The following GAB3 variants were observed in gnomAD, a reference collection of about 807,000 sequenced individuals.
The protein encoded by GAB3 is GRB2-associated-binding protein 3.
A neutral mutation model predicts 40.4 loss-of-function variants in GAB3; 12 were observed. That is an observed-to-expected ratio of 0.30 (90% CI 0.19 to 0.48). The LOEUF (loss-of-function observed/expected upper bound fraction) is 0.48. GAB3 is among the 20% of genes least tolerant of loss of function. The pLI, the probability that GAB3 is intolerant of heterozygous loss-of-function variation, is 0.99. For synonymous variants in GAB3, 154 were observed against 176.7 expected, an observed-to-expected ratio of 0.87 and a Z score of 1.02; for missense variants, 381 against 461.9, an observed-to-expected ratio of 0.82 and a Z score of 1.61.
intron 8 of GAB3, among the ~76,000 whole-genome samples, chrX:154,688,745 C>T (rs1483924761): frequency 1.8e-5 from 2 of 111,696 alleles, no homozygotes; most frequent in Non-Finnish European, 3.8e-5. Context: ...CATAATTTAC[C>T]ATTAGGAAAG....
chrX:154,726,916 T>G (rs1205436179), intron 1 of GAB3, among the ~76,000 whole-genome samples: 6 of 111,807 alleles, frequency 5.4e-5, no homozygotes, highest in Admixed American at 4.7e-4. Context: ...ACAACCACCC[T>G]AGTCCAAGTC....
chrX:154,706,688 G>C (rs1223828630), intron 4 of GAB3, among the ~76,000 whole-genome samples: 6 of 110,622 alleles, frequency 5.4e-5, no homozygotes, highest in African/African-American at 2.0e-4. Flanking sequence ...TGAGGTGGGA[G>C]GATCGCTTGA....
chrX:154,693,667 G>T (rs781889856), intron 8 of GAB3, among the ~76,000 whole-genome samples: 1 of 111,567 alleles, frequency 9.0e-6, no homozygotes, highest in African/African-American at 3.3e-5. Flanking sequence ...TGGTGGTTAC[G>T]CAAATCTCTA....
chrX:154,710,350 G>A (rs1557255495), intron 4 of GAB3, among the ~76,000 whole-genome samples: 1 of 111,426 alleles, frequency 9.0e-6, no homozygotes, highest in Non-Finnish European at 1.9e-5. Context: ...CCCTAGAATA[G>A]CCATTATATT....
At chrX:154,736,167 A>G (rs1482618599) in intron 1 of GAB3, among the ~76,000 whole-genome samples, 1 of 112,337 alleles carries the variant, frequency 8.9e-6, no homozygotes, top group Non-Finnish European at 1.9e-5. Flanking sequence ...GGTCACCTTT[A>G]TTGGCTACTT....
chrX:154,731,378 T>C (rs1334126317), intron 1 of GAB3, among the ~76,000 whole-genome samples: 1 of 111,800 alleles, frequency 8.9e-6, no homozygotes, highest in African/African-American at 3.3e-5. Flanking sequence ...ATAGAGGAAG[T>C]GACGGCGCAG....
chrX:154,695,157 A>G (rs2070636720), intron 8 of GAB3, among the ~76,000 whole-genome samples: 1 of 111,610 alleles, frequency 9.0e-6, no homozygotes, highest in African/African-American at 3.3e-5. Flanking sequence ...TTCAAACAGA[A>G]GCTCTCTCTT....
rs189430681 is a variant in GAB3, at chrX:154,747,044, C to T, written c.72+3910G>A. ...TTTTTTTAGATAGTTTTGCTCTTGT[C>T]GCCCAGGCTGGAGTGCAATGGTGTG... On this transcript the variant is annotated intron_variant, in intron 1 of 9. Coordinates refer to ENST00000424127, the MANE Select transcript of GAB3 (RefSeq NM_001081573.3). Among the ~76,000 whole-genome samples the T allele has an allele frequency of 9.3e-3, 1,041 of 112,330 alleles. 14 individuals carry two copies. The highest frequency in any genetic ancestry group is 0.032 in the African/African-American group (977 of 30,931).
At chrX:154,689,616 C>A (rs1180634908) in intron 8 of GAB3, among the ~76,000 whole-genome samples, 1 of 111,010 alleles carries the variant, frequency 9.0e-6, no homozygotes, top group Non-Finnish European at 1.9e-5. Flanking sequence ...TTCTTATACA[C>A]CAACAACAGA....
intron 4 of GAB3, among the ~76,000 whole-genome samples, chrX:154,709,444 C>G (rs782187119): frequency 1.7e-4 from 18 of 108,872 alleles, no homozygotes; most frequent in Non-Finnish European, 2.5e-4. Context: ...CCTCAGCCTC[C>G]CGAGTAGCTG....
intron 2 of GAB3, among the ~76,000 whole-genome samples, chrX:154,715,530 C>T (rs2071034224): frequency 9.0e-6 from 1 of 111,178 alleles, no homozygotes; most frequent in Non-Finnish European, 1.9e-5. Context: ...AACTAATTTC[C>T]TCTGCAGAGA....
chrX:154,708,204 AC>A (rs1357866249), intron 4 of GAB3, among the ~76,000 whole-genome samples: 5 of 112,034 alleles, frequency 4.5e-5, no homozygotes, highest in African/African-American at 1.6e-4. Flanking sequence ...CTTTTCTTAT[AC>A]CATATACAAA....
At chrX:154,700,478 C>T (rs1389522472) in intron 4 of GAB3, among the ~76,000 whole-genome samples, 1 of 110,717 alleles carries the variant, frequency 9.0e-6, no homozygotes, top group Non-Finnish European at 1.9e-5. Flanking sequence ...CAGGTAGACG[C>T]ATGGAGAGAA....
chrX:154,717,173 AAG>A (rs1418211536), intron 1 of GAB3, among the ~76,000 whole-genome samples: 2 of 111,635 alleles, frequency 1.8e-5, no homozygotes, highest in Non-Finnish European at 3.8e-5. Flanking sequence ...TTAAAAAATA[AAG>A]AGAGAGAGGA....
Position 154,716,290 on chromosome X carries a change from T to C in GAB3, c.112A>G (p.Met38Val). 2.5e-6 allele frequency: 3 copies of C among 1,212,262 alleles called. No homozygotes were observed. The highest frequency in any genetic ancestry group is 1.1e-6 in the Non-Finnish European group (1 of 895,494). ...KRWFVLRRGR[M>V]SGNPDVLEYY... The stretch of plus-strand genomic sequence containing the variant: ...TCCAAGACATCGGGGTTGCCGCTCA[T>C]GCGGCCTCGCCGGAGGACAAACCAG... Residue 38 changes from methionine to valine, a missense_variant, in exon 2 of 10, where the codon ATG (methionine) becomes GTG (valine). By Grantham distance (21) the Met-to-Val change is conservative. Coordinates refer to ENST00000424127, the MANE Select transcript of GAB3 (RefSeq NM_001081573.3).
intron 4 of GAB3, among the ~76,000 whole-genome samples, chrX:154,701,624 C>A (rs183650756): frequency 8.9e-6 from 1 of 112,105 alleles, no homozygotes; most frequent in East Asian, 2.8e-4. Flanking sequence ...CTAAACACTA[C>A]ACAAGAAAAC....
chrX:154,680,360 T>C, intron 8 of GAB3, 112 bp from the exon 9 acceptor site: 1 of 474,173 alleles, frequency 2.1e-6, no homozygotes, highest in Non-Finnish European at 3.7e-6. Context: ...CGTAACAGAA[T>C]AGTCTGATGA....
At chrX:154,688,668 A>C (rs1010070106) in intron 8 of GAB3, among the ~76,000 whole-genome samples, 24 of 111,949 alleles carry the variant, frequency 2.1e-4, no homozygotes, top group Non-Finnish European at 3.8e-4. Context: ...ATTGGCAAAA[A>C]GATTGAACAG....
At chrX:154,744,470 C>G (rs1368630913) in intron 1 of GAB3, among the ~76,000 whole-genome samples, 5 of 111,560 alleles carry the variant, frequency 4.5e-5, no homozygotes, top group Non-Finnish European at 9.4e-5. Context: ...TTCTATTCCC[C>G]AAGAAAACAT....
Sources: allele counts gnomAD v4.1 joint callset (sites outside exome capture counted in the v4.1 genomes callset), GRCh38; gene constraint gnomAD v4.1.1; transcripts MANE v1.5; gene names NCBI Gene and HGNC (gene_info 2026-07-23, HGNC 2026-07-21).